Variants in DONSON observed in about 807,000 individuals in gnomAD.
DONSON encodes the protein DNA replication fork stabilization factor DONSON, also known as protein downstream neighbor of Son.
DONSON carries 43 observed loss-of-function variants against 62.1 expected under a neutral mutation model. The ratio of observed to expected loss-of-function variants is 0.69; its 90% CI spans 0.54 to 0.89. DONSON has a LOEUF of 0.89. DONSON is among the 40% of genes least tolerant of loss of function. The probability of loss-of-function intolerance (pLI) is 0.00; values close to 1 mark genes in which losing one functional copy is unlikely to be tolerated. For synonymous variants in DONSON, 266 were observed against 264.6 expected (o/e 1.01, Z -0.05); for missense variants, 696 against 697.5 (o/e 1.00, Z 0.03).
intron 1 of DONSON, among the ~76,000 whole-genome samples, chr21:33,588,002 T>C (rs1012916510): frequency 5.3e-5 from 8 of 151,630 alleles, no homozygotes; most frequent in Non-Finnish European, 1.2e-4. Context: ...GCTCTCAGGG[T>C]TTTTCGAGCT....
In DONSON at chr21:33,586,107, AAT is replaced by A; in HGVS notation, c.475_476del (p.Ile159Ter). 3 of 1,614,186 alleles carry A rather than the reference AAT, an allele frequency of 1.9e-6. No homozygotes were observed. Among genetic ancestry groups the A allele is most frequent in the Non-Finnish European group, 2.5e-6 (3 of 1,180,020 alleles). On this transcript the variant is annotated frameshift_variant, in exon 3 of 10. Coordinates refer to ENST00000303071, the MANE Select transcript of DONSON (RefSeq NM_017613.4). LOFTEE classifies it high-confidence loss of function. ...KSTELPVDWS[I>X]KTRLLFTSSQ... ...AAGAGGTGAAAAGGAGTCGCGTTTT[AAT>A]ACTCCAGTCCACAGGTAACTCAGTA...
At chr21:33,579,656 CCT>C (rs2086483116) in intron 8 of DONSON, 94 bp from the exon 9 acceptor site, 2 of 995,046 alleles carry the variant, frequency 2.0e-6, no homozygotes, top group Non-Finnish European at 1.5e-6. Flanking sequence ...TTTGGGGTTT[CCT>C]CTCTTTTAAC....
chr21:33,586,508 G>C (rs1246983457), intron 2 of DONSON, among the ~76,000 whole-genome samples: 1 of 152,112 alleles, frequency 6.6e-6, no homozygotes, highest in Non-Finnish European at 1.5e-5. Context: ...AAACATTTTG[G>C]ATCTTTTAAG....
chr21:33,581,235 A>T (rs2086507146), intron 8 of DONSON, 67 bp downstream of exon 8: 38 of 1,403,232 alleles, frequency 2.7e-5, no homozygotes, highest in Non-Finnish European at 3.6e-5. Flanking sequence ...GTTTTTTTTT[A>T]AATCAAGAAT....
intron 5 of DONSON, 75 bp downstream of exon 5, chr21:33,583,413 A>T (rs2086539697): frequency 3.3e-6 from 4 of 1,208,966 alleles, no homozygotes; most frequent in African/African-American, 1.5e-5. Context: ...AAGGCATTTT[A>T]AATTTAAATA....
intron 9 of DONSON, among the ~76,000 whole-genome samples, chr21:33,579,029 T>G (rs1233451391): frequency 6.6e-6 from 1 of 151,854 alleles, no homozygotes; most frequent in Non-Finnish European, 1.5e-5. Context: ...TCTCAGCTAC[T>G]TGGGAGGCTG....
In DONSON at chr21:33,582,072, G is replaced by A; in HGVS notation, c.1047-17C>T. On this transcript the variant is annotated splice_polypyrimidine_tract_variant and intron_variant, in intron 6 of 9. Transcript: ENST00000303071. ...GCTTGCTCCCTAGGAAATTGCTACA[G>A]TTAGAGTCCCTATTTCACAAGCTGT... The A allele has an allele frequency of 6.2e-7, 1 of 1,613,430 alleles. No homozygotes were observed. The highest frequency in any genetic ancestry group is 8.5e-7 in the Non-Finnish European group (1 of 1,179,392).
chr21:33,588,074 C>CA (rs2086599990), intron 1 of DONSON, among the ~76,000 whole-genome samples: 2 of 152,202 alleles, frequency 1.3e-5, no homozygotes, highest in African/African-American at 4.8e-5. Flanking sequence ...GGGGCCCCCT[C>CA]ACTTTCCTCG....
At chr21:33,582,764 CAGG>C (rs1413690880) in intron 5 of DONSON, among the ~76,000 whole-genome samples, 2 of 152,182 alleles carry the variant, frequency 1.3e-5, no homozygotes, top group Non-Finnish European at 2.9e-5. Flanking sequence ...GGCTGCACAG[CAGG>C]AGGTGAGCGA....
Position 33,587,357 on chromosome 21 carries a change from T to C in DONSON, c.402+165A>G, listed in dbSNP as rs1012785962. ...AAACCAACTCCTTTACCTTGGCTGA[T>C]GCGGTATTTTCATCCCTGGTTGAGA... On this transcript the variant is annotated intron_variant, in intron 2 of 9. Coordinates refer to ENST00000303071, the MANE Select transcript of DONSON (RefSeq NM_017613.4). 5.1e-6 allele frequency: 5 copies of C among 985,308 alleles called. No homozygotes were observed. In the African/African-American group the frequency reaches 7.0e-5, roughly 14 times the overall value. The allele number at this position is 985,308 out of a possible 1,614,324, so 61.0% of individuals were successfully genotyped here.
rs368570176 is a variant in DONSON at position 33,582,179 on chromosome 21, G to A, written c.1032C>T (p.Ser344=). 32 of 1,613,850 alleles carry A rather than the reference G, an allele frequency of 2.0e-5. No individual in the cohort carries two copies. Among genetic ancestry groups the A allele is most frequent in the Non-Finnish European group, 2.6e-5 (31 of 1,179,950 alleles). ...TAATCACATACTCCCCATATCCCAA[G>A]CTTGTTCCAGATGCTGTCTCCTTCT... ...GHKKETASGT[S]LGYGEEQAIS... is the part of the protein sequence containing the mutation. The change falls in exon 6 of 10, where the codon AGC becomes AGT. Residue 344 remains serine, a synonymous_variant. Transcript: ENST00000303071.
chr21:33,584,802 C>G, intron 3 of DONSON, 34 bp from the exon 4 acceptor site: 1 of 1,443,122 alleles, frequency 6.9e-7, no homozygotes, highest in Non-Finnish European at 9.2e-7. Flanking sequence ...GCAGTTTTTG[C>G]CCATTGAGAA....
chr21:33,583,514 C>T lies in DONSON; in HGVS notation c.938G>A (p.Gly313Asp), dbSNP rs1388480712. ...ITALISPTTRGLREAMRNEGI... is the reference protein window; with the variant it reads ...ITALISPTTRDLREAMRNEGI... The stretch of plus-strand genomic sequence containing the variant: ...TTCATTTCTCATAGCTTCTCTTAAA[C>T]CTCGAGTTGTTGGAGATATGAGAGC... The change falls in exon 5 of 10, where the codon GGT becomes GAT. Residue 313 changes from glycine to aspartate, a missense_variant. Transcript: ENST00000303071. 2 of 1,613,672 alleles carry T rather than the reference C, an allele frequency of 1.2e-6. No individual in the cohort carries two copies. The highest frequency in any genetic ancestry group is 2.7e-5 in the African/African-American group (2 of 74,860).
At chr21:33,580,402 A>C (rs1329963205) in intron 8 of DONSON, among the ~76,000 whole-genome samples, 4 of 146,266 alleles carry the variant, frequency 2.7e-5, no homozygotes, top group Non-Finnish European at 3.0e-5. Context: ...AAAAATACAA[A>C]AAAAAAAAAA....
Position 33,588,680 on chromosome 21 carries a change from G to C in DONSON, c.-39C>G, listed in dbSNP as rs984954210. 1.6e-6 allele frequency: 2 copies of C among 1,223,118 alleles called. No homozygotes were observed. Among genetic ancestry groups the C allele is most frequent in the Non-Finnish European group, 2.0e-6 (2 of 982,110 alleles). 75.8% of individuals were successfully genotyped at this position (1,223,118 alleles called of 1,614,324 possible). A position where few individuals can be genotyped will look rare whatever the true frequency, so the allele number is the denominator to read the frequency against. On this transcript the variant is annotated 5_prime_UTR_variant, in exon 1 of 10. Transcript: ENST00000303071. ...TGAGGGTAGCCGGCCGCCCTACAGA[G>C]ACTTCCCGCGCGCGCCGGGCCCGCC... is the stretch of plus-strand genomic sequence containing the variant.
rs751675539 is a variant in DONSON, at chr21:33,579,559, G to A, written c.1354C>T (p.Arg452Trp). 9.3e-6 allele frequency: 15 copies of A among 1,609,398 alleles called. No individual in the cohort carries two copies. The highest frequency in any genetic ancestry group is 1.7e-5 in the Admixed American group (1 of 59,236). The change falls in exon 9 of 10, where the codon CGG becomes TGG. Residue 452 changes from arginine (R) to tryptophan (W), a missense_variant. Transcript: ENST00000303071. ...GCTTGTGTCTTCACATTCACACTCCGTGCCTTCATGAAAATGTAAAGAAAA... is the reference window on the plus strand; with the variant it reads ...GCTTGTGTCTTCACATTCACACTCCATGCCTTCATGAAAATGTAAAGAAAA... The part of the protein sequence containing the change: ...RGATMQMLKA[R>W]SVNVKTQALS...
chr21:33,584,183 T>A (rs1018385244), intron 4 of DONSON, among the ~76,000 whole-genome samples: 2 of 151,364 alleles, frequency 1.3e-5, no homozygotes, highest in African/African-American at 4.9e-5. Context: ...TAGCTGTGAC[T>A]ATAGGCACCC....
Position 33,587,617 on chromosome 21 carries a change from A to G in DONSON, c.322-15T>C. ...GAATCTAAAAACTGAGGTTAAATAT[A>G]TTCTCCTTTAAAATTTAAAGGATGC... On this transcript the variant is annotated splice_polypyrimidine_tract_variant and intron_variant, in intron 1 of 9. Coordinates refer to ENST00000303071, the MANE Select transcript of DONSON (RefSeq NM_017613.4). 1 of 1,541,500 alleles carries G rather than the reference A, an allele frequency of 6.5e-7. No homozygotes were observed. The highest frequency in any genetic ancestry group is 2.2e-5 in the East Asian group (1 of 44,450).
rs148095112 is a variant in DONSON at position 33,583,560 on chromosome 21, C to A, written c.892G>T (p.Ala298Ser). The A allele has an allele frequency of 2.5e-5, 41 of 1,613,878 alleles. No individual in the cohort carries two copies. In the African/African-American group the frequency reaches 2.8e-4, roughly 11 times the overall value. ...FTVLFRAAGL[A>S]GSDLITALIS... Reference sequence around the variant, plus strand: ...AGAGCTGTGATTAAGTCACTTCCAGCTAATCCTGCTGCTCGGAACAGGACA... The same window carrying A: ...AGAGCTGTGATTAAGTCACTTCCAGATAATCCTGCTGCTCGGAACAGGACA... The change falls in exon 5 of 10, where the codon GCT (alanine) becomes TCT (serine). Residue 298 changes from alanine to serine, a missense_variant. Transcript: ENST00000303071.
Sources: allele counts gnomAD v4.1 joint callset (sites outside exome capture counted in the v4.1 genomes callset), GRCh38; gene constraint gnomAD v4.1.1; transcripts MANE v1.5; gene names NCBI Gene and HGNC (gene_info 2026-07-23, HGNC 2026-07-21).